WNT16: variants seen among roughly 807,000 people sequenced by gnomAD.
WNT16 encodes the protein Wnt family member 16.
WNT16 carries 20 observed loss-of-function variants against 35.4 expected under a neutral mutation model. The ratio of observed to expected loss-of-function variants is 0.56; its 90% CI spans 0.40 to 0.82. WNT16 has a LOEUF of 0.82. Among genes scored for constraint, WNT16 ranks in the 40% least tolerant of loss-of-function variants. WNT16 has a pLI of 0.00. For synonymous variants in WNT16, 180 were observed against 179.2 expected, an observed-to-expected ratio of 1.00 and a Z score of -0.03; for missense variants, 461 against 466.0, an observed-to-expected ratio of 0.99 and a Z score of 0.10.
Position 121,338,598 on chromosome 7 carries a change from G to A in WNT16, c.634-283G>A, listed in dbSNP as rs143346852. On this transcript the variant is annotated intron_variant, in intron 3 of 3. Transcript: ENST00000222462. ...ATAGAAGTAATTTCCTTTTGTTATC[G>A]CAGATAATCTCCAATAATATTAGTC... 2.2e-3 allele frequency among the ~76,000 whole-genome samples: 333 copies of A among 152,226 alleles called. 2 individuals carry two copies. The highest frequency in any genetic ancestry group is 7.5e-3 in the East Asian group (39 of 5,180).
chr7:121,339,091 G>T lies in WNT16; in HGVS notation c.844G>T (p.Asp282Tyr). The T allele has an allele frequency of 6.2e-7, 1 of 1,614,148 alleles. No homozygotes were observed. The highest frequency in any genetic ancestry group is 2.2e-5 in the East Asian group (1 of 44,882). ...TCAGAGGAAAATACCAATCCATAAG[G>T]ATGATCTGCTCTATGTTAATAAGTC... is the stretch of plus-strand genomic sequence containing the variant. ...KDQRKIPIHK[D>Y]DLLYVNKSPN... Residue 282 changes from aspartate (D) to tyrosine (Y), a missense_variant, in exon 4 of 4, where the codon GAT becomes TAT. Transcript: ENST00000222462.
intron 2 of WNT16, among the ~76,000 whole-genome samples, chr7:121,330,661 C>T (rs949950973): frequency 1.5e-4 from 23 of 150,608 alleles, no homozygotes; most frequent in Non-Finnish European, 3.1e-4. Flanking sequence ...GCACCTCCCC[C>T]GCGGCGTTCT....
intron 3 of WNT16, among the ~76,000 whole-genome samples, chr7:121,335,183 T>C (rs914789944): frequency 6.6e-6 from 1 of 152,098 alleles, no homozygotes; most frequent in Non-Finnish European, 1.5e-5. Context: ...TCCACAACAA[T>C]TTTCTGGCCA....
chr7:121,337,141 G>T (rs763921274), intron 3 of WNT16, among the ~76,000 whole-genome samples: 55 of 152,096 alleles, frequency 3.6e-4, no homozygotes, highest in Admixed American at 5.9e-4. Context: ...TTTATAAATT[G>T]CTGTCATATA....
intron 3 of WNT16, among the ~76,000 whole-genome samples, chr7:121,332,442 T>C (rs1793365469): frequency 6.6e-6 from 1 of 152,242 alleles, no homozygotes; most frequent in South Asian, 2.1e-4. Flanking sequence ...ACAATGCCTG[T>C]AGGGTTCATT....
chr7:121,326,650 C>T (rs1584673707), upstream of WNT16, among the ~76,000 whole-genome samples: 1 of 152,262 alleles, frequency 6.6e-6, no homozygotes, highest in Non-Finnish European at 1.5e-5. Flanking sequence ...GCACACTCTA[C>T]TTTGTACATT....
upstream of WNT16, among the ~76,000 whole-genome samples, chr7:121,327,536 G>C (rs1008986633): frequency 6.6e-6 from 1 of 151,908 alleles, no homozygotes; most frequent in Non-Finnish European, 1.5e-5. Context: ...TTTTAGCAGG[G>C]ACAGGGTTTC....
chr7:121,335,086 A>C (rs188698323), intron 3 of WNT16, among the ~76,000 whole-genome samples: 1 of 152,242 alleles, frequency 6.6e-6, no homozygotes, highest in African/African-American at 2.4e-5. Context: ...GGAATCCTAC[A>C]TACACCCATC....
intron 3 of WNT16, among the ~76,000 whole-genome samples, chr7:121,335,503 G>A (rs925529806): frequency 6.6e-6 from 1 of 151,900 alleles, no homozygotes. Flanking sequence ...TGTTAATATC[G>A]TTATAAACCT....
chr7:121,329,499 AC>A lies in WNT16; in HGVS notation c.96-66del, dbSNP rs1793301953. 5 of 1,600,030 alleles carry A rather than the reference AC, an allele frequency of 3.1e-6. No individual in the cohort carries two copies. The African/African-American group carries it at 4.0e-5, about 13-fold the overall frequency. The stretch of plus-strand genomic sequence containing the variant: ...AAGGGCGGGGACCCTTAGACGAGTG[AC>A]CTAATTTTTCGGAAAACATCTGGAA... On this transcript the variant is annotated intron_variant, in intron 1 of 3. Transcript: ENST00000222462.
Position 121,340,356 on chromosome 7 carries a change from GAGCTAAGGCAGTAAAATTAT to G in WNT16, c.*1012_*1031del, listed in dbSNP as rs1793512677. 6.6e-6 allele frequency: 1 copy of G among 151,992 alleles called. No individual in the cohort carries two copies. The allele number at this position is 151,992 out of a possible 1,614,324, so 9.4% of individuals were successfully genotyped here. ...TAAAACATTTATTGACAAAGCCTAA[GAGCTAAGGCAGTAAAATTAT>G]CTCATAAATAATATTAGCTTATTTT... On this transcript the variant is annotated 3_prime_UTR_variant, in exon 4 of 4. Coordinates refer to ENST00000222462, the MANE Select transcript of WNT16 (RefSeq NM_057168.2).
At chr7:121,331,644 G>A (rs750156358) in intron 2 of WNT16, 34 bp from the exon 3 acceptor site, 1 of 1,590,088 alleles carries the variant, frequency 6.3e-7, no homozygotes, top group Non-Finnish European at 8.6e-7. Context: ...GAAGTTGCCT[G>A]GTTCTCTAAT....
chr7:121,338,965 T>A lies in WNT16; in HGVS notation c.718T>A (p.Ser240Thr), dbSNP rs981159088. 3 of 1,614,062 alleles carry A rather than the reference T, an allele frequency of 1.9e-6. No homozygotes were observed. Residue 240 changes from serine (S) to threonine (T), a missense_variant, in exon 4 of 4, where the codon TCT (serine) becomes ACT (threonine). Transcript: ENST00000222462. ...TGTGAAAACATGCTGGAAAACCATG[T>A]CTTCTTTTGAAAAGATTGGCCATTT... ...CAVKTCWKTM[S>T]SFEKIGHLLK...
In WNT16 at chr7:121,329,720, C is replaced by G. The variant is rs751241463; in HGVS notation, c.249C>G (p.Ser83Arg). ...GGCTGGGCATTCAGGAGTGCGGGAGCCAGTTCAGACACGAGAGATGGAACT... is the reference window on the plus strand; with the variant it reads ...GGCTGGGCATTCAGGAGTGCGGGAGGCAGTTCAGACACGAGAGATGGAACT... ...GARLGIQECGSQFRHERWNCM... is the reference protein window; with the variant it reads ...GARLGIQECGRQFRHERWNCM... Residue 83 changes from serine (S) to arginine (R), a missense_variant, in exon 2 of 4, where the codon AGC becomes AGG. By Grantham distance (110) the Ser-to-Arg change is moderately radical. Transcript: ENST00000222462. 2.5e-6 allele frequency: 4 copies of G among 1,612,766 alleles called. No homozygotes were observed. The highest frequency in any genetic ancestry group is 3.4e-6 in the Non-Finnish European group (4 of 1,179,882).
At position 121,338,951 on chromosome 7, in the gene WNT16, G is replaced by A; in HGVS notation, c.704G>A (p.Cys235Tyr). ...TCCGGCTCCTGTGCTGTGAAAACATGCTGGAAAACCATGTCTTCTTTTGAA... is the reference window on the plus strand; with the variant it reads ...TCCGGCTCCTGTGCTGTGAAAACATACTGGAAAACCATGTCTTCTTTTGAA... ...GVSGSCAVKTCWKTMSSFEKI... is the reference protein window; with the variant it reads ...GVSGSCAVKTYWKTMSSFEKI... Residue 235 changes from cysteine to tyrosine, a missense_variant, in exon 4 of 4, where the codon TGC becomes TAC. Transcript: ENST00000222462. The A allele has an allele frequency of 6.2e-7, 1 of 1,614,122 alleles. No individual in the cohort carries two copies. The highest frequency in any genetic ancestry group is 8.5e-7 in the Non-Finnish European group (1 of 1,180,022).
Position 121,331,770 on chromosome 7 carries a change from T to C in WNT16, c.439T>C (p.Cys147Arg). 1.2e-6 allele frequency: 2 copies of C among 1,614,124 alleles called. No individual in the cohort carries two copies. The highest frequency in any genetic ancestry group is 1.1e-5 in the South Asian group (1 of 91,078). ...RSCSAGNMTE[C>R]SCDTTLQNGG... is the part of the protein sequence containing the mutation. ...ATGCAGTGCAGGCAACATGACAGAG[T>C]GTTCCTGTGACACCACCTTGCAGAA... is the stretch of plus-strand genomic sequence containing the variant. Residue 147 changes from cysteine to arginine, a missense_variant, in exon 3 of 4, where the codon TGT becomes CGT. Transcript: ENST00000222462.
In WNT16 at chr7:121,340,396, TA is replaced by T. The variant is rs779348394; in HGVS notation, c.*1052del. The T allele has an allele frequency of 5.5e-4, 83 of 152,238 alleles. No homozygotes were observed. Among genetic ancestry groups the T allele is most frequent in the Admixed American group, 1.0e-3 (16 of 15,296 alleles). The allele number at this position is 152,238 out of a possible 1,614,324, so 9.4% of individuals were successfully genotyped here. A position where few individuals can be genotyped will look rare whatever the true frequency, so the allele number is the denominator to read the frequency against. ...AATTATCTCATAAATAATATTAGCT[TA>T]TTTTTTTTCATACTATTAATGCTAT... On this transcript the variant is annotated 3_prime_UTR_variant, in exon 4 of 4. Coordinates refer to ENST00000222462, the MANE Select transcript of WNT16 (RefSeq NM_057168.2).
Position 121,329,018 on chromosome 7 carries a change from A to G in WNT16, c.-275A>G, listed in dbSNP as rs1006702466. The G allele has an allele frequency of 1.6e-5, 19 of 1,200,680 alleles. No homozygotes were observed. In the Admixed American group the frequency reaches 3.6e-4, roughly 23 times the overall value. The allele number at this position is 1,200,680 out of a possible 1,614,324, so 74.4% of individuals were successfully genotyped here. A position where few individuals can be genotyped will look rare whatever the true frequency, so the allele number is the denominator to read the frequency against. On this transcript the variant is annotated 5_prime_UTR_variant, in exon 1 of 4. Transcript: ENST00000222462. ...ATACATCAACAGAAGTTTCTCACCT[A>G]GGAATGCGAGGGGCGCTCCCGCATC...
chr7:121,332,237 C>CGTGTGT (rs56219125), intron 3 of WNT16, among the ~76,000 whole-genome samples: 4,172 of 151,346 alleles, frequency 0.028, 184 homozygotes, highest in African/African-American at 0.092. Flanking sequence ...AATAAATATA[C>CGTGTGT]GTGTGTGTGT....
Sources: gnomAD v4.1 joint callset for allele counts (sites outside exome capture counted in the v4.1 genomes callset) on GRCh38, gnomAD v4.1.1 for gene constraint, MANE v1.5 for transcripts, NCBI Gene and HGNC (gene_info 2026-07-23, HGNC 2026-07-21) for gene names.